KRT84: variants seen among roughly 807,000 people sequenced by gnomAD.
KRT84 encodes keratin 84, also known as keratin, type II cuticular Hb4.
KRT84 carries 38 observed loss-of-function variants against 49.0 expected under a neutral mutation model. The observed-to-expected ratio is 0.78, with a 90% CI of 0.60 to 1.02. The LOEUF is 1.02. Among genes scored for constraint, KRT84 ranks in the 50% least tolerant of loss-of-function variants. The probability of loss-of-function intolerance (pLI) is 0.00; values close to 1 mark genes in which losing one functional copy is unlikely to be tolerated. For missense variants in KRT84, 860 were observed against 788.6 expected, an observed-to-expected ratio of 1.09 and a Z score of -1.08; for synonymous variants, 334 against 312.8, an observed-to-expected ratio of 1.07 and a Z score of -0.72.
At position 52,378,378 on chromosome 12, in the gene KRT84, CG is replaced by C; in HGVS notation, c.1458del (p.Val487SerfsTer61). ...ACCAGGCCGCCCCGGGAGCTGCTGA[CG>C]GCTGCGGAGAAAGAAAGCATCAGGG... Reference protein sequence around the residue: ...LCEGVGPVNISVSSSRGGLVC... With the variant: ...LCEGVGPVNIXVSSSRGGLVC... On this transcript the variant is annotated frameshift_variant and splice_region_variant, in exon 9 of 9. Transcript: ENST00000257951. LOFTEE classifies it low-confidence loss of function (END_TRUNC). The C allele has an allele frequency of 6.9e-7, 1 of 1,455,094 alleles. No homozygotes were observed. 90.1% of individuals were successfully genotyped at this position (1,455,094 alleles called of 1,614,324 possible). A position where few individuals can be genotyped will look rare whatever the true frequency, so the allele number is the denominator to read the frequency against.
Position 52,381,153 on chromosome 12 carries a change from A to G in KRT84, c.1130T>C (p.Ile377Thr). The change falls in exon 6 of 9, where the codon ATA becomes ACA. Residue 377 changes from isoleucine to threonine, a missense_variant. Coordinates refer to ENST00000257951, the MANE Select transcript of KRT84 (RefSeq NM_033045.4). ...AGQHCDNLRN[I>T]RNEINELTRL... ...GGTCAGTTCGTTGATCTCGTTCCGT[A>G]TGTTGCGCAGGTTGTCACAGTGTTG... 6.2e-7 allele frequency: 1 copy of G among 1,613,862 alleles called. No individual in the cohort carries two copies. Among genetic ancestry groups the G allele is most frequent in the Non-Finnish European group, 8.5e-7 (1 of 1,179,962 alleles).
At chr12:52,379,624 G>C (rs1326695281) in intron 8 of KRT84, among the ~76,000 whole-genome samples, 1 of 152,190 alleles carries the variant, frequency 6.6e-6, no homozygotes, top group African/African-American at 2.4e-5. Context: ...AAGCAAAAAA[G>C]CTGGCTGTCC....
At chr12:52,386,484 A>G (rs1791629), upstream of KRT84, among the ~76,000 whole-genome samples, 148,709 of 150,904 alleles carry the variant, frequency 0.99, 73,287 homozygotes, top group East Asian at 1. Flanking sequence ...CGCCTCCCAG[A>G]TAGCTGGGAC....
chr12:52,380,257 T>G, intron 7 of KRT84, 106 bp downstream of exon 7: 1 of 1,354,070 alleles, frequency 7.4e-7, no homozygotes, highest in South Asian at 1.4e-5. Context: ...ATTGTCATCT[T>G]TAAAGACTAT....
In KRT84 at chr12:52,378,198, G is replaced by A. The variant is rs1167704492; in HGVS notation, c.1639C>T (p.Leu547=). 6.3e-7 allele frequency: 1 copy of A among 1,576,940 alleles called. No individual in the cohort carries two copies. The highest frequency in any genetic ancestry group is 1.8e-5 in the Admixed American group (1 of 55,216). The stretch of plus-strand genomic sequence containing the variant: ...GAGCCACTCCTTGTGCCAGTGCTCA[G>A]CAGGTCCCCAGTGGCCGGGGCGACC... ...ARVAPATGDL[L]STGTRSGSML... Residue 547 remains leucine, a synonymous_variant, in exon 9 of 9, where the codon CTG becomes TTG. Transcript: ENST00000257951.
intron 8 of KRT84, among the ~76,000 whole-genome samples, chr12:52,379,086 G>A (rs1315102127): frequency 3.9e-5 from 6 of 152,164 alleles, no homozygotes; most frequent in African/African-American, 9.7e-5. Context: ...ACCACTCACC[G>A]CCTCCATGGG....
At chr12:52,383,909 C>T (rs1447925642) in intron 1 of KRT84, 111 bp from the exon 2 acceptor site, 4 of 837,970 alleles carry the variant, frequency 4.8e-6, no homozygotes, top group Non-Finnish European at 3.7e-6. Context: ...ACAGGGTTCT[C>T]TCCTCTGCTG....
At chr12:52,380,846 A>C (rs982608828) in intron 6 of KRT84, among the ~76,000 whole-genome samples, 5 of 152,060 alleles carry the variant, frequency 3.3e-5, no homozygotes, top group Non-Finnish European at 7.4e-5. Flanking sequence ...GGGTAAATTT[A>C]TTCTTTCTGT....
chr12:52,379,472 G>A (rs1791614), intron 8 of KRT84, among the ~76,000 whole-genome samples: 48,979 of 152,100 alleles, frequency 0.32, 9,947 homozygotes, highest in African/African-American at 0.58. Flanking sequence ...TTCGGCTGCA[G>A]CAGTGGGGAG....
chr12:52,382,479 G>T lies in KRT84; in HGVS notation c.870C>A (p.Thr290=). ...NKSDLEANVD[T]LTQEIDFLKT... is the part of the protein sequence containing the mutation. ...TTAGAAAGTCAATTTCCTGAGTTAG[G>T]GTATCCACGTTGGCCTCGAGATCAG... The change falls in exon 4 of 9, where the codon ACC becomes ACA. Residue 290 remains threonine, a synonymous_variant. Coordinates refer to ENST00000257951, the MANE Select transcript of KRT84 (RefSeq NM_033045.4). 6.2e-7 allele frequency: 1 copy of T among 1,614,048 alleles called. No homozygotes were observed. The highest frequency in any genetic ancestry group is 1.1e-5 in the South Asian group (1 of 91,056).
Position 52,381,668 on chromosome 12 carries a change from T to C in KRT84, c.913-143A>G, listed in dbSNP as rs1162464853. The stretch of plus-strand genomic sequence containing the variant: ...AAAAAAGCAAGACCATCTAAATTGA[T>C]GATAAAGAAAAAGACATGTCTGAGA... On this transcript the variant is annotated intron_variant, in intron 4 of 8. Coordinates refer to ENST00000257951, the MANE Select transcript of KRT84 (RefSeq NM_033045.4). 1.4e-5 allele frequency: 11 copies of C among 806,590 alleles called. No individual in the cohort carries two copies. The Admixed American group carries it at 1.5e-4, about 11-fold the overall frequency. The allele number at this position is 806,590 out of a possible 1,614,324, so 50.0% of individuals were successfully genotyped here. A position where few individuals can be genotyped will look rare whatever the true frequency, so the allele number is the denominator to read the frequency against.
chr12:52,384,953 C>A lies in KRT84; in HGVS notation c.546+87G>T, dbSNP rs890844607. 5.2e-6 allele frequency: 7 copies of A among 1,356,428 alleles called. No homozygotes were observed. The African/African-American group carries it at 8.7e-5, about 17-fold the overall frequency. The allele number at this position is 1,356,428 out of a possible 1,614,324, so 84.0% of individuals were successfully genotyped here. A position where few individuals can be genotyped will look rare whatever the true frequency, so the allele number is the denominator to read the frequency against. ...GAGGTCAAGGTCAAGTCCCCAGAAC[C>A]GGGCCAGTTCTTTTTAAGGGAAAGA... On this transcript the variant is annotated intron_variant, in intron 1 of 8. Transcript: ENST00000257951.
At chr12:52,381,588 CACAGGGGGCCCAGGAAG>C (rs1939486625) in intron 4 of KRT84, 63 bp from the exon 5 acceptor site, 16 of 1,533,412 alleles carry the variant, frequency 1.0e-5, no homozygotes, top group Non-Finnish European at 3.6e-6. Flanking sequence ...GGGACTCTGC[CACAGGGGGCCCAGGAAG>C]TGGTGCCAGG....
At chr12:52,383,328 C>G (rs948880978) in intron 2 of KRT84, among the ~76,000 whole-genome samples, 1 of 152,206 alleles carries the variant, frequency 6.6e-6, no homozygotes, top group Non-Finnish European at 1.5e-5. Flanking sequence ...GTTCCTCTGA[C>G]AGAAATAATG....
intron 3 of KRT84, 76 bp downstream of exon 3, chr12:52,382,929 A>C: frequency 8.1e-7 from 1 of 1,238,974 alleles, no homozygotes; most frequent in East Asian, 2.3e-5. Flanking sequence ...GGGCTGCCTG[A>C]GCAGTTTCCT....
intron 6 of KRT84, among the ~76,000 whole-genome samples, 195 bp from the exon 7 acceptor site, chr12:52,380,778 C>T (rs1358772478): frequency 6.6e-6 from 1 of 152,220 alleles, no homozygotes; most frequent in African/African-American, 2.4e-5. Context: ...CTGTTGTTTC[C>T]ATCCCCACTG....
At chr12:52,380,334 C>T (rs1437131583) in intron 7 of KRT84, 29 bp downstream of exon 7, 6 of 1,611,370 alleles carry the variant, frequency 3.7e-6, no homozygotes, top group Non-Finnish European at 5.1e-6. Flanking sequence ...AGTCTGACTT[C>T]ACTCTCCTGC....
intron 6 of KRT84, among the ~76,000 whole-genome samples, 197 bp from the exon 7 acceptor site, chr12:52,380,780 T>C (rs1018037823): frequency 6.6e-6 from 1 of 152,198 alleles, no homozygotes; most frequent in South Asian, 2.1e-4. Context: ...GTTGTTTCCA[T>C]CCCCACTGAC....
chr12:52,386,549 G>C (rs1939576574), upstream of KRT84, among the ~76,000 whole-genome samples: 1 of 151,866 alleles, frequency 6.6e-6, no homozygotes, highest in African/African-American at 2.4e-5. Flanking sequence ...ATTTCCAGCA[G>C]TCAACACTTT....
Sources: gnomAD v4.1 joint callset for allele counts (sites outside exome capture counted in the v4.1 genomes callset) on GRCh38, gnomAD v4.1.1 for gene constraint, MANE v1.5 for transcripts, NCBI Gene and HGNC (gene_info 2026-07-23, HGNC 2026-07-21) for gene names.